Variants in CETN3 observed in about 807,000 individuals in gnomAD.
The protein encoded by CETN3 is centrin-3.
Under a neutral mutation model 20.1 loss-of-function variants are expected in CETN3, and 17 were observed. The observed-to-expected ratio is 0.85, with a 90% CI of 0.58 to 1.27. The LOEUF (loss-of-function observed/expected upper bound fraction) is 1.27, where lower values mean the gene tolerates loss of function less well. Ranked by LOEUF, CETN3 falls within the 50% of genes most tolerant of loss-of-function variation. CETN3 has a pLI of 0.00. For missense variants in CETN3, 169 were observed against 191.2 expected (o/e 0.88, Z 0.69); for synonymous variants, 52 against 59.7 (o/e 0.87, Z 0.59).
intron 2 of CETN3, among the ~76,000 whole-genome samples, chr5:90,406,267 AT>A (rs1396070915): frequency 2.0e-4 from 30 of 152,036 alleles, no homozygotes; most frequent in Non-Finnish European, 2.9e-5. Context: ...GAAAAAAGAG[AT>A]TTTGTTACTA....
chr5:90,405,564 C>T, intron 3 of CETN3, 121 bp downstream of exon 3: 1 of 645,566 alleles, frequency 1.5e-6, no homozygotes, highest in South Asian at 1.9e-5. Context: ...GTAAGAGTCA[C>T]ATTATACACC....
At position 90,393,797 on chromosome 5, in the gene CETN3, A is replaced by C; in HGVS notation, c.*267T>G. 1 of 244,028 alleles carries C rather than the reference A, an allele frequency of 4.1e-6. No homozygotes were observed. Among genetic ancestry groups the C allele is most frequent in the Non-Finnish European group, 7.8e-6 (1 of 128,520 alleles). 15.1% of individuals were successfully genotyped at this position (244,028 alleles called of 1,614,324 possible). On this transcript the variant is annotated 3_prime_UTR_variant, in exon 5 of 5. Transcript: ENST00000283122. The stretch of plus-strand genomic sequence containing the variant: ...AAGTGACTATAAATGTTAAATTAAA[A>C]AACCTTCAAAGAACACATATCACAC...
At chr5:90,404,058 G>C (rs1449769038) in intron 3 of CETN3, among the ~76,000 whole-genome samples, 1 of 151,732 alleles carries the variant, frequency 6.6e-6, no homozygotes, top group Non-Finnish European at 1.5e-5. Flanking sequence ...TGATTATTTC[G>C]AGCCCCTGAA....
At position 90,393,982 on chromosome 5, in the gene CETN3, GT is replaced by G; in HGVS notation, c.*81del. 6 of 994,538 alleles carry G rather than the reference GT, an allele frequency of 6.0e-6. No individual in the cohort carries two copies. Among genetic ancestry groups the G allele is most frequent in the South Asian group, 2.9e-5 (2 of 69,762 alleles). 61.6% of individuals were successfully genotyped at this position (994,538 alleles called of 1,614,324 possible). The stretch of plus-strand genomic sequence containing the variant: ...CCTTTAGGATAAAAGAACTAAGTTG[GT>G]TTTTTTCACATGGCTCCAGGCACAA... On this transcript the variant is annotated 3_prime_UTR_variant, in exon 5 of 5. Coordinates refer to ENST00000283122, the MANE Select transcript of CETN3 (RefSeq NM_004365.4).
chr5:90,394,875 A>G (rs1749102215), intron 4 of CETN3, among the ~76,000 whole-genome samples: 1 of 144,412 alleles, frequency 6.9e-6, no homozygotes. Context: ...ATAATCTTAT[A>G]GAATATAATT....
chr5:90,394,220 A>T, intron 4 of CETN3, 113 bp from the exon 5 acceptor site: 2 of 649,258 alleles, frequency 3.1e-6, no homozygotes, highest in Non-Finnish European at 5.2e-6. Flanking sequence ...ATGCAAAATT[A>T]TTACATTAAG....
intron 3 of CETN3, chr5:90,405,314 A>G (rs573809435): frequency 4.5e-6 from 1 of 224,082 alleles, no homozygotes; most frequent in South Asian, 1.5e-4. Context: ...CTTGGGAAAC[A>G]TTTTCCAAAC....
At chr5:90,400,525 G>T (rs1483477744) in intron 3 of CETN3, among the ~76,000 whole-genome samples, 1 of 148,556 alleles carries the variant, frequency 6.7e-6, no homozygotes, top group Non-Finnish European at 1.5e-5. Flanking sequence ...ACAAGAAAAG[G>T]TATTTATGGC....
intron 3 of CETN3, among the ~76,000 whole-genome samples, chr5:90,404,187 A>ATCAT (rs1217788350): frequency 6.6e-6 from 1 of 152,132 alleles, no homozygotes; most frequent in African/African-American, 2.4e-5. Flanking sequence ...GAATCTCATG[A>ATCAT]GAGAATACAA....
intron 3 of CETN3, among the ~76,000 whole-genome samples, chr5:90,403,875 G>GAAAAAAAAA (rs60385437): frequency 1.8e-4 from 16 of 86,662 alleles, no homozygotes; most frequent in Non-Finnish European, 2.1e-4. Context: ...TGTCTCAAAA[G>GAAAAAAAAA]AAAAAAAAAA....
At chr5:90,398,516 A>G (rs1378331170) in intron 4 of CETN3, among the ~76,000 whole-genome samples, 1 of 152,246 alleles carries the variant, frequency 6.6e-6, no homozygotes, top group Non-Finnish European at 1.5e-5. Context: ...ATTAACAATT[A>G]GAGCATTCTA....
At chr5:90,408,508 C>T (rs1225757301) in intron 1 of CETN3, among the ~76,000 whole-genome samples, 1 of 152,056 alleles carries the variant, frequency 6.6e-6, no homozygotes, top group Non-Finnish European at 1.5e-5. Context: ...GTGCTTCATT[C>T]TATATAAAAA....
In CETN3 at chr5:90,405,758, A is replaced by C; in HGVS notation, c.195T>G (p.Asp65Glu). 1.2e-6 allele frequency: 2 copies of C among 1,612,282 alleles called. No individual in the cohort carries two copies. Among genetic ancestry groups the C allele is most frequent in the Non-Finnish European group, 1.7e-6 (2 of 1,179,316 alleles). The change falls in exon 3 of 5, where the codon GAT becomes GAG. Residue 65 changes from aspartate to glutamate, a missense_variant. Asp to Glu is a conservative substitution (Grantham distance 45). Coordinates refer to ENST00000283122, the MANE Select transcript of CETN3 (RefSeq NM_004365.4). ...RALGFDVKKA[D>E]VLKILKDYDR... ...CATAATCTTTAAGAATCTTCAGTACATCAGCTTTTTTTACATCAAACCCCA... is the reference window on the plus strand; with the variant it reads ...CATAATCTTTAAGAATCTTCAGTACCTCAGCTTTTTTTACATCAAACCCCA...
chr5:90,403,929 G>A (rs1186472958), intron 3 of CETN3, among the ~76,000 whole-genome samples: 1 of 145,242 alleles, frequency 6.9e-6, no homozygotes, highest in Admixed American at 6.9e-5. Flanking sequence ...GTTCATTTAA[G>A]GTGAAATAAC....
intron 1 of CETN3, 147 bp downstream of exon 1, chr5:90,409,498 T>C (rs1749565561): frequency 2.3e-6 from 2 of 874,188 alleles, no homozygotes; most frequent in Middle Eastern, 2.5e-4. Flanking sequence ...GGGTGAGTGA[T>C]CCGGGCAGGC....
chr5:90,394,815 A>T (rs1749101091), intron 4 of CETN3, among the ~76,000 whole-genome samples: 2 of 152,078 alleles, frequency 1.3e-5, no homozygotes, highest in South Asian at 4.1e-4. Context: ...AAGAATCTCC[A>T]ATTTATAAAA....
chr5:90,402,120 G>A (rs956787406), intron 3 of CETN3, among the ~76,000 whole-genome samples: 2 of 152,166 alleles, frequency 1.3e-5, no homozygotes, highest in East Asian at 1.9e-4. Flanking sequence ...CCAAAGTGCT[G>A]GGATTACAGG....
At chr5:90,401,161 A>G (rs1479195713) in intron 3 of CETN3, among the ~76,000 whole-genome samples, 1 of 152,180 alleles carries the variant, frequency 6.6e-6, no homozygotes, top group East Asian at 1.9e-4. Context: ...TAATTGTGTT[A>G]GTTATTTCAG....
intron 3 of CETN3, 107 bp from the exon 4 acceptor site, chr5:90,399,656 C>T: frequency 2.4e-6 from 2 of 843,300 alleles, no homozygotes; most frequent in Non-Finnish European, 3.6e-6. Flanking sequence ...TGACTGTCAA[C>T]TTTTAGTCTG....
Sources: allele counts gnomAD v4.1 joint callset (sites outside exome capture counted in the v4.1 genomes callset), GRCh38; gene constraint gnomAD v4.1.1; transcripts MANE v1.5; gene names NCBI Gene and HGNC (gene_info 2026-07-23, HGNC 2026-07-21).